The following RNF13 variants were observed in gnomAD, a reference collection of about 807,000 sequenced individuals.
The protein encoded by RNF13 is ring finger protein 13.
A neutral mutation model predicts 37.7 loss-of-function variants in RNF13; 19 were observed. The observed-to-expected ratio is 0.50, with a 90% CI of 0.35 to 0.74. The LOEUF (loss-of-function observed/expected upper bound fraction) is 0.74. Among genes scored for constraint, RNF13 ranks in the 30% least tolerant of loss-of-function variants. RNF13 has a pLI of 0.01. For missense variants in RNF13, 375 were observed against 453.0 expected (o/e 0.83, Z 1.56); for synonymous variants, 144 against 157.8 (o/e 0.91, Z 0.65).
intron 1 of RNF13, among the ~76,000 whole-genome samples, chr3:149,838,292 C>T (rs1411999562): frequency 1.3e-5 from 2 of 152,170 alleles, no homozygotes; most frequent in Non-Finnish European, 1.5e-5. Context: ...GTCTGGTGGA[C>T]AGTGGTCCTC....
chr3:149,813,992 G>GGTGGC (rs1392722970), intron 1 of RNF13: 1 of 152,210 alleles, frequency 6.6e-6, no homozygotes. Flanking sequence ...ATGCAACTTT[G>GGTGGC]GTGGCGGCCA....
chr3:149,938,223 G>A (rs757884523), intron 8 of RNF13, among the ~76,000 whole-genome samples: 54 of 151,834 alleles, frequency 3.6e-4, no homozygotes, highest in Non-Finnish European at 6.8e-4. Flanking sequence ...TGTTGCCCAG[G>A]CTGGAGTGCA....
At chr3:149,911,436 T>C (rs1430670645) in intron 6 of RNF13, among the ~76,000 whole-genome samples, 1 of 152,180 alleles carries the variant, frequency 6.6e-6, no homozygotes, top group African/African-American at 2.4e-5. Context: ...GGCAGGCGAA[T>C]CACCTGAGGT....
chr3:149,829,970 T>C (rs1212287678), intron 1 of RNF13, among the ~76,000 whole-genome samples: 1 of 151,510 alleles, frequency 6.6e-6, no homozygotes, highest in African/African-American at 2.4e-5. Flanking sequence ...CATGCTCTCT[T>C]GCTTGCTGCC....
chr3:149,889,317 G>A (rs1028189536), intron 4 of RNF13, among the ~76,000 whole-genome samples: 1 of 149,094 alleles, frequency 6.7e-6, no homozygotes, highest in Non-Finnish European at 1.5e-5. Flanking sequence ...GTGTGTGTGT[G>A]TGTGTGTGTC....
intron 8 of RNF13, among the ~76,000 whole-genome samples, chr3:149,932,204 A>G (rs769137718): frequency 1.3e-5 from 2 of 152,182 alleles, no homozygotes; most frequent in Non-Finnish European, 1.5e-5. Context: ...CATATCCAGC[A>G]ATGGGATTGC....
At chr3:149,921,517 G>A (rs1018407752) in intron 8 of RNF13, among the ~76,000 whole-genome samples, 2 of 151,338 alleles carry the variant, frequency 1.3e-5, no homozygotes, top group East Asian at 3.9e-4. Flanking sequence ...TGTTCTCATT[G>A]TTCACCTTCC....
chr3:149,841,175 C>A (rs528349407), intron 1 of RNF13, among the ~76,000 whole-genome samples: 1 of 152,290 alleles, frequency 6.6e-6, no homozygotes, highest in African/African-American at 2.4e-5. Flanking sequence ...CCTAGTAATA[C>A]AGCTGACAGC....
At chr3:149,831,913 T>G (rs1425257618) in intron 1 of RNF13, among the ~76,000 whole-genome samples, 1 of 152,178 alleles carries the variant, frequency 6.6e-6, no homozygotes, top group Non-Finnish European at 1.5e-5. Flanking sequence ...GAGGAAATTT[T>G]ATAGTGCCAT....
At chr3:149,828,577 T>A (rs1056458432) in intron 1 of RNF13, among the ~76,000 whole-genome samples, 1 of 152,244 alleles carries the variant, frequency 6.6e-6, no homozygotes, top group Non-Finnish European at 1.5e-5. Flanking sequence ...GCTGTGTGGC[T>A]TATTGCTAGG....
intron 5 of RNF13, among the ~76,000 whole-genome samples, chr3:149,898,982 T>A (rs762231965): frequency 1.2e-4 from 18 of 152,080 alleles, no homozygotes; most frequent in Non-Finnish European, 2.2e-4. Flanking sequence ...GAACAACAAG[T>A]ACAACAATTC....
chr3:149,840,585 G>C (rs1208543636), intron 1 of RNF13, among the ~76,000 whole-genome samples: 1 of 152,058 alleles, frequency 6.6e-6, no homozygotes, highest in Admixed American at 6.6e-5. Flanking sequence ...TAAGAGTCTC[G>C]ACAAACAGTA....
intron 3 of RNF13, among the ~76,000 whole-genome samples, chr3:149,854,170 T>C (rs1723422592): frequency 6.6e-6 from 1 of 152,132 alleles, no homozygotes; most frequent in Non-Finnish European, 1.5e-5. Flanking sequence ...AACCTATTAT[T>C]CTTAATTAGG....
intron 3 of RNF13, among the ~76,000 whole-genome samples, chr3:149,864,118 G>C (rs1393187616): frequency 3.6e-5 from 5 of 138,542 alleles, no homozygotes; most frequent in African/African-American, 1.3e-4. Flanking sequence ...GTTGAAATCT[G>C]ATCCCTAGTG....
At chr3:149,931,079 G>T (rs1460778647) in intron 8 of RNF13, among the ~76,000 whole-genome samples, 1 of 150,924 alleles carries the variant, frequency 6.6e-6, no homozygotes, top group Admixed American at 6.6e-5. Context: ...TTTTTTTTCT[G>T]GGGGGACAAG....
chr3:149,912,109 T>A, intron 7 of RNF13, 26 bp downstream of exon 7: 4 of 1,161,372 alleles, frequency 3.4e-6, no homozygotes, highest in Non-Finnish European at 5.1e-6. Context: ...TTTAATAATT[T>A]TTAAAAAATA....
At chr3:149,927,802 A>G (rs548038016) in intron 8 of RNF13, among the ~76,000 whole-genome samples, 3 of 151,922 alleles carry the variant, frequency 2.0e-5, no homozygotes, top group Admixed American at 6.6e-5. Flanking sequence ...CTTATTTTCA[A>G]TTGGGTGGTT....
intron 7 of RNF13, among the ~76,000 whole-genome samples, chr3:149,916,780 A>G (rs567140769): frequency 1.3e-5 from 2 of 152,190 alleles, no homozygotes; most frequent in Non-Finnish European, 2.9e-5. Flanking sequence ...AAAACTTAAA[A>G]TAAACATTAT....
chr3:149,853,441 T>TGAGAGAGAGGGA (rs1723293846), intron 3 of RNF13, among the ~76,000 whole-genome samples: 3 of 130,740 alleles, frequency 2.3e-5, no homozygotes, highest in Admixed American at 8.2e-5. Flanking sequence ...GCTGTGTGTG[T>TGAGAGAGAGGGA]GAGAGAGAGA....
Sources: allele counts gnomAD v4.1 joint callset (sites outside exome capture counted in the v4.1 genomes callset), GRCh38; gene constraint gnomAD v4.1.1; transcripts MANE v1.5; gene names NCBI Gene and HGNC (gene_info 2026-07-23, HGNC 2026-07-21).